The following RNGTT variants were observed in gnomAD, a reference collection of about 807,000 sequenced individuals.
RNGTT encodes the protein mRNA-capping enzyme.
RNGTT carries 33 observed loss-of-function variants against 79.3 expected under a neutral mutation model. The ratio of observed to expected loss-of-function variants is 0.42; its 90% CI spans 0.32 to 0.56. The LOEUF (loss-of-function observed/expected upper bound fraction) is 0.56, where lower values mean the gene tolerates loss of function less well. Ranked by LOEUF, RNGTT falls within the 20% of genes least tolerant of loss-of-function variation. RNGTT has a pLI of 0.17. For synonymous variants in RNGTT, 222 were observed against 235.9 expected, an observed-to-expected ratio of 0.94 and a Z score of 0.54; for missense variants, 497 against 739.1, an observed-to-expected ratio of 0.67 and a Z score of 3.80.
At chr6:88,787,758 A>G (rs949016474) in intron 12 of RNGTT, among the ~76,000 whole-genome samples, 6 of 152,298 alleles carry the variant, frequency 3.9e-5, no homozygotes, top group East Asian at 3.9e-4. Context: ...TTCCAGCAAG[A>G]GGCAATGAAT....
intron 13 of RNGTT, among the ~76,000 whole-genome samples, chr6:88,732,137 C>A (rs550195895): frequency 1.3e-5 from 2 of 152,012 alleles, no homozygotes; most frequent in Non-Finnish European, 2.9e-5. Context: ...ACAGTTCAAA[C>A]CTGTGTTGCT....
intron 8 of RNGTT, among the ~76,000 whole-genome samples, chr6:88,871,127 C>G (rs1469715637): frequency 6.6e-6 from 1 of 152,044 alleles, no homozygotes; most frequent in Non-Finnish European, 1.5e-5. Flanking sequence ...CTAGAGTATA[C>G]AGACCATAGC....
At chr6:88,807,834 A>G (rs937019827) in intron 11 of RNGTT, among the ~76,000 whole-genome samples, 1 of 152,212 alleles carries the variant, frequency 6.6e-6, no homozygotes, top group African/African-American at 2.4e-5. Context: ...GCAGAGGAAC[A>G]AAAATAAGAT....
rs1180301257 is a variant in RNGTT at position 88,769,830 on chromosome 6, A to T, written c.1383T>A (p.Pro461=). 3 of 1,612,580 alleles carry T rather than the reference A, an allele frequency of 1.9e-6. No homozygotes were observed. Among genetic ancestry groups the T allele is most frequent in the Non-Finnish European group, 2.5e-6 (3 of 1,179,098 alleles). Residue 461 remains proline (P), a synonymous_variant, in exon 13 of 16, where the codon CCT becomes CCA. Transcript: ENST00000369485. ...GAAAATCCACAGAATTCAGACTGGG[A>T]GGCTTCCATTTCAAAATATCATCAC... ...GRCDDILKWK[P]PSLNSVDFRL...
intron 8 of RNGTT, among the ~76,000 whole-genome samples, chr6:88,859,103 C>T (rs139856006): frequency 0.019 from 2,860 of 152,048 alleles, 81 homozygotes; most frequent in African/African-American, 0.065. Context: ...GCAATCCTCC[C>T]ACCTCAGCCT....
In RNGTT at chr6:88,757,657, A is replaced by C. The variant is rs572119766; in HGVS notation, c.1439+12117T>G. 1.1e-3 allele frequency among the ~76,000 whole-genome samples: 163 copies of C among 152,338 alleles called. 1 individual carries two copies. The highest frequency in any genetic ancestry group is 1.5e-3 in the Non-Finnish European group (101 of 68,008). On this transcript the variant is annotated intron_variant, in intron 13 of 15. Transcript: ENST00000369485. Reference sequence around the variant, plus strand: ...AACATATGATGTTATAGACAAGATTAACAAAATGTTTTCAAAAGATTTTAC... The same window carrying C: ...AACATATGATGTTATAGACAAGATTCACAAAATGTTTTCAAAAGATTTTAC...
intron 12 of RNGTT, among the ~76,000 whole-genome samples, chr6:88,800,224 T>G (rs1006201751): frequency 6.6e-6 from 1 of 152,234 alleles, no homozygotes; most frequent in Non-Finnish European, 1.5e-5. Context: ...AGAAGTGGTT[T>G]GGATTCTGAT....
intron 11 of RNGTT, among the ~76,000 whole-genome samples, chr6:88,832,603 G>C (rs752418955): frequency 6.6e-6 from 1 of 152,164 alleles, no homozygotes; most frequent in Non-Finnish European, 1.5e-5. Context: ...TTAAACTAAA[G>C]AGCTTGTGCA....
chr6:88,945,595 C>T (rs1023777953), intron 1 of RNGTT, among the ~76,000 whole-genome samples: 9 of 152,176 alleles, frequency 5.9e-5, no homozygotes, highest in African/African-American at 2.2e-4. Context: ...TGTGGACCTT[C>T]TCTACTCTCT....
At chr6:88,902,346 T>G (rs1783499699) in intron 6 of RNGTT, among the ~76,000 whole-genome samples, 1 of 152,154 alleles carries the variant, frequency 6.6e-6, no homozygotes, top group African/African-American at 2.4e-5. Context: ...ACACCTATAA[T>G]CCTACTACTT....
chr6:88,860,223 T>C (rs1235875952), intron 8 of RNGTT, among the ~76,000 whole-genome samples: 1 of 152,190 alleles, frequency 6.6e-6, no homozygotes, highest in Non-Finnish European at 1.5e-5. Context: ...ACTGGATATG[T>C]GACTGAGAAA....
intron 1 of RNGTT, among the ~76,000 whole-genome samples, chr6:88,944,212 C>A (rs908581761): frequency 3.3e-5 from 5 of 152,194 alleles, no homozygotes; most frequent in Non-Finnish European, 7.3e-5. Flanking sequence ...ATAATTCATT[C>A]ATTTACTCCT....
At chr6:88,630,485 C>A (rs531646767) in intron 14 of RNGTT, among the ~76,000 whole-genome samples, 77 of 152,276 alleles carry the variant, frequency 5.1e-4, no homozygotes, top group African/African-American at 1.7e-3. Flanking sequence ...ATATTCTAGT[C>A]CTCTTCTGTA....
At position 88,713,614 on chromosome 6, in the gene RNGTT, T is replaced by G. The variant is rs561265230; in HGVS notation, c.1440-35195A>C. Reference sequence around the variant, plus strand: ...AAGTGCAGATATAGAATATATCTAATGACAAGTATATGTACTATATTTATG... The same window carrying G: ...AAGTGCAGATATAGAATATATCTAAGGACAAGTATATGTACTATATTTATG... On this transcript the variant is annotated intron_variant, in intron 13 of 15. Transcript: ENST00000369485. 5.9e-5 allele frequency among the ~76,000 whole-genome samples: 9 copies of G among 152,342 alleles called. No individual in the cohort carries two copies. In the South Asian group the frequency reaches 1.7e-3, roughly 28 times the overall value.
intron 8 of RNGTT, among the ~76,000 whole-genome samples, chr6:88,877,436 G>T (rs1334354280): frequency 6.6e-6 from 1 of 152,106 alleles, no homozygotes; most frequent in African/African-American, 2.4e-5. Context: ...AGTAATCGGG[G>T]TGCTTTTCAA....
chr6:88,849,707 T>C, intron 10 of RNGTT, 48 bp downstream of exon 10: 6 of 1,446,174 alleles, frequency 4.1e-6, no homozygotes, highest in Non-Finnish European at 5.5e-6. Context: ...CAAAAATACA[T>C]TCATTATTTC....
Position 88,960,008 on chromosome 6 carries a change from A to G in RNGTT, c.64+3338T>C, listed in dbSNP as rs188023740. Among the ~76,000 whole-genome samples, 519 of 152,328 alleles carry G rather than the reference A, an allele frequency of 3.4e-3. 1 individual carries two copies. Among genetic ancestry groups the G allele is most frequent in the Non-Finnish European group, 6.0e-3 (407 of 68,030 alleles). On this transcript the variant is annotated intron_variant, in intron 1 of 15. Transcript: ENST00000369485. Reference sequence around the variant, plus strand: ...ATTTACTGAAGATAATTCATGTATGACCTTCTCTGGGAAGTCTCACCTGAT... The same window carrying G: ...ATTTACTGAAGATAATTCATGTATGGCCTTCTCTGGGAAGTCTCACCTGAT...
intron 8 of RNGTT, among the ~76,000 whole-genome samples, chr6:88,882,297 C>T (rs1050426292): frequency 1.4e-4 from 21 of 152,098 alleles, no homozygotes; most frequent in Non-Finnish European, 2.9e-4. Flanking sequence ...TGTGCTGAAG[C>T]TCTAAATTGA....
At chr6:88,915,727 C>G (rs529510712) in intron 4 of RNGTT, among the ~76,000 whole-genome samples, 8 of 152,176 alleles carry the variant, frequency 5.3e-5, no homozygotes, top group Admixed American at 2.0e-4. Context: ...CACAATATAC[C>G]CTTATAACAA....
Sources: gnomAD v4.1 joint callset for allele counts (sites outside exome capture counted in the v4.1 genomes callset) on GRCh38, gnomAD v4.1.1 for gene constraint, MANE v1.5 for transcripts, NCBI Gene and HGNC (gene_info 2026-07-23, HGNC 2026-07-21) for gene names.